The following GBF1 variants were observed in gnomAD, a reference collection of about 807,000 sequenced individuals.
GBF1 encodes Golgi-specific brefeldin A-resistance guanine nucleotide exchange factor 1.
GBF1 carries 114 observed loss-of-function variants against 210.5 expected under a neutral mutation model. The ratio of observed to expected loss-of-function variants is 0.54; its 90% CI spans 0.47 to 0.63. The LOEUF (loss-of-function observed/expected upper bound fraction) is 0.63. GBF1 is among the 30% of genes least tolerant of loss of function. The probability of loss-of-function intolerance (pLI) is 0.00; values close to 1 mark genes in which losing one functional copy is unlikely to be tolerated. For synonymous variants in GBF1, 850 were observed against 889.2 expected (o/e 0.96, Z 0.78); for missense variants, 1,851 against 2,357.7 (o/e 0.79, Z 4.45).
chr10:102,368,737 A>G lies in GBF1; in HGVS notation c.2880-2A>G, dbSNP rs758180019. On this transcript the variant is annotated splice_acceptor_variant, in intron 22 of 39. Transcript: ENST00000369983. LOFTEE classifies it high-confidence loss of function. ...TTTCTGGGATGGGGGGTAACATTAC[A>G]GGAAGTGCGCCATGATCTCCGCCCA... is the stretch of plus-strand genomic sequence containing the variant. The G allele has an allele frequency of 6.2e-7, 1 of 1,607,442 alleles. No homozygotes were observed. Among genetic ancestry groups the G allele is most frequent in the South Asian group, 1.1e-5 (1 of 90,942 alleles).
chr10:102,232,033 C>A, the GBF1 span: 1 of 1,607,312 alleles, frequency 6.2e-7, no homozygotes, highest in East Asian at 2.2e-5. Context: ...CTGACAGCGA[C>A]AGGGCAGGGC....
At chr10:102,250,303 C>T (rs990039572) in intron 1 of GBF1, among the ~76,000 whole-genome samples, 2 of 152,080 alleles carry the variant, frequency 1.3e-5, no homozygotes, top group African/African-American at 2.4e-5. Context: ...TGAAGTGATC[C>T]TCCCATCTCA....
At chr10:102,262,800 C>T (rs898693737) in intron 3 of GBF1, among the ~76,000 whole-genome samples, 1 of 152,184 alleles carries the variant, frequency 6.6e-6, no homozygotes, top group African/African-American at 2.4e-5. Context: ...TTGAGTCTGA[C>T]GCCTGATTTC....
intron 3 of GBF1, among the ~76,000 whole-genome samples, chr10:102,276,583 G>A (rs1176835815): frequency 6.6e-6 from 1 of 151,796 alleles, no homozygotes; most frequent in Non-Finnish European, 1.5e-5. Context: ...AAGAAAATGA[G>A]TAGTGCTTGC....
At chr10:102,253,087 G>A (rs1206114913) in intron 1 of GBF1, among the ~76,000 whole-genome samples, 1 of 152,114 alleles carries the variant, frequency 6.6e-6, no homozygotes, top group East Asian at 1.9e-4. Context: ...TAGAGTGGGG[G>A]TTTCACCATG....
intron 3 of GBF1, among the ~76,000 whole-genome samples, chr10:102,278,530 G>A (rs78474617): frequency 9.2e-5 from 14 of 152,114 alleles, no homozygotes; most frequent in Admixed American, 9.2e-4. Context: ...TTATACTTAT[G>A]TATTGGTTAC....
At chr10:102,288,215 A>G (rs1251561540) in intron 3 of GBF1, among the ~76,000 whole-genome samples, 2 of 152,212 alleles carry the variant, frequency 1.3e-5, no homozygotes, top group Non-Finnish European at 2.9e-5. Flanking sequence ...AACTGGATTC[A>G]GATAATCCTT....
rs1420315494 is a variant in GBF1, at chr10:102,380,234, G to T, written c.4879-15G>T. On this transcript the variant is annotated splice_polypyrimidine_tract_variant and intron_variant, in intron 36 of 39. Transcript: ENST00000369983. ...CCTACAGTCCCCTCAGCTGAAGGGG[G>T]CTGGTGGGCCATAGGTCTTCCTGCA... is the stretch of plus-strand genomic sequence containing the variant. 5 of 1,563,444 alleles carry T rather than the reference G, an allele frequency of 3.2e-6. No homozygotes were observed. The Admixed American group carries it at 8.3e-5, about 26-fold the overall frequency.
intron 1 of GBF1, among the ~76,000 whole-genome samples, chr10:102,253,885 A>G (rs929092201): frequency 3.3e-5 from 5 of 151,848 alleles, no homozygotes; most frequent in Admixed American, 1.3e-4. Context: ...TTATTTTGTA[A>G]TTTTCCTGAT....
chr10:102,358,676 G>C lies in GBF1; in HGVS notation c.958G>C (p.Ala320Pro). ...ACCTGGCTCTCCAGGGTACAGCACA[G>C]CTACAGAGCCTGGAAGCAGTGAGCT... is the stretch of plus-strand genomic sequence containing the variant. Reference protein sequence around the residue: ...EQPGSPGYSTATEPGSSELGV... With the variant: ...EQPGSPGYSTPTEPGSSELGV... Residue 320 changes from alanine to proline, a missense_variant, in exon 10 of 40, where the codon GCT becomes CCT. By Grantham distance (27) the Ala-to-Pro change is conservative. Coordinates refer to ENST00000369983, the MANE Select transcript of GBF1 (RefSeq NM_001377137.1). The C allele has an allele frequency of 6.2e-7, 1 of 1,614,132 alleles. No individual in the cohort carries two copies. The highest frequency in any genetic ancestry group is 2.2e-5 in the East Asian group (1 of 44,894).
chr10:102,306,298 A>G (rs2077864687), intron 3 of GBF1, among the ~76,000 whole-genome samples: 1 of 152,144 alleles, frequency 6.6e-6, no homozygotes, highest in Non-Finnish European at 1.5e-5. Context: ...TCATTCATTG[A>G]AGGTTTCTGA....
the GBF1 span, chr10:102,231,957 G>A: frequency 8.1e-6 from 13 of 1,601,616 alleles, no homozygotes; most frequent in Admixed American, 8.3e-5. Context: ...AAGGGGGCGC[G>A]CTTACCGCTG....
At chr10:102,235,118 G>A in the GBF1 span, among the ~76,000 whole-genome samples, 1 of 151,684 alleles carries the variant, frequency 6.6e-6, no homozygotes, top group African/African-American at 2.4e-5. Context: ...TCCTCTCTGT[G>A]ACAGGGACAG....
intron 3 of GBF1, among the ~76,000 whole-genome samples, chr10:102,268,971 G>T (rs555849529): frequency 7.2e-5 from 11 of 152,278 alleles, no homozygotes; most frequent in African/African-American, 2.6e-4. Flanking sequence ...ACTACTTTAG[G>T]CTCTCAGTTT....
chr10:102,312,330 C>G (rs1167496141), intron 3 of GBF1, among the ~76,000 whole-genome samples: 3 of 151,730 alleles, frequency 2.0e-5, no homozygotes, highest in African/African-American at 7.3e-5. Flanking sequence ...TGTTAAATCT[C>G]TCTCTGCCCT....
chr10:102,260,259 T>G, intron 3 of GBF1, 143 bp downstream of exon 3: 1 of 469,284 alleles, frequency 2.1e-6, no homozygotes, highest in East Asian at 3.4e-5. Flanking sequence ...TGCAACTACT[T>G]AACTCTGCCT....
At chr10:102,323,584 T>C (rs572894387) in intron 3 of GBF1, among the ~76,000 whole-genome samples, 10 of 151,710 alleles carry the variant, frequency 6.6e-5, no homozygotes, top group Admixed American at 5.9e-4. Flanking sequence ...TCTTTTTTTT[T>C]TTTTTTCCTT....
Position 102,376,985 on chromosome 10 carries a change from G to A in GBF1, c.4339G>A (p.Gly1447Arg), listed in dbSNP as rs1307830290. 5.6e-6 allele frequency: 9 copies of A among 1,614,038 alleles called. No individual in the cohort carries two copies. The highest frequency in any genetic ancestry group is 7.6e-6 in the Non-Finnish European group (9 of 1,180,034). The change falls in exon 33 of 40, where the codon GGG becomes AGG. Residue 1447 changes from glycine (G) to arginine (R), a missense_variant. Physicochemically the swap from Gly to Arg is moderately radical, Grantham distance 125 (BLOSUM62 -2). This residue lies in a region of GBF1 where 967 missense variants were observed against 1,247.7 expected (regional missense o/e 0.78). Coordinates refer to ENST00000369983, the MANE Select transcript of GBF1 (RefSeq NM_001377137.1). ...CAAGAGTCACAAATATGACAGCAAA[G>A]GGAACCGCTTCAAGAAGAAATCCAA... ...RGKSHKYDSK[G>R]NRFKKKSKEG...
chr10:102,292,124 C>T (rs1218872273), intron 3 of GBF1, among the ~76,000 whole-genome samples: 5 of 151,796 alleles, frequency 3.3e-5, no homozygotes, highest in South Asian at 2.1e-4. Context: ...CTCTTGACCT[C>T]GTGATCTGCC....
Sources: gnomAD v4.1 joint callset for allele counts (sites outside exome capture counted in the v4.1 genomes callset) on GRCh38, gnomAD v4.1.1 for gene constraint, gnomAD v4.1.1 regional missense constraint, MANE v1.5 for transcripts, NCBI Gene and HGNC (gene_info 2026-07-23, HGNC 2026-07-21) for gene names.